The following BRCA1 variants were observed in gnomAD, a reference collection of about 807,000 sequenced individuals.
BRCA1 encodes the protein breast cancer type 1 susceptibility protein.
A neutral mutation model predicts 173.7 loss-of-function variants in BRCA1; 140 were observed. That is an observed-to-expected ratio of 0.81 (90% CI 0.70 to 0.93). The LOEUF is 0.93. Ranked by LOEUF, BRCA1 falls within the 40% of genes least tolerant of loss-of-function variation. The pLI is 0.00. For synonymous variants in BRCA1, 662 were observed against 756.0 expected, an observed-to-expected ratio of 0.88 and a Z score of 2.04; for missense variants, 1,983 against 2,172.5, an observed-to-expected ratio of 0.91 and a Z score of 1.73.
chr17:43,085,717 G>A (rs2053203461), intron 11 of BRCA1, among the ~76,000 whole-genome samples: 1 of 152,054 alleles, frequency 6.6e-6, no homozygotes, highest in Admixed American at 6.6e-5. Flanking sequence ...GAGAAGTAAG[G>A]GCAAGTGGGC....
At chr17:43,123,158 C>T (rs911573097) in intron 2 of BRCA1, among the ~76,000 whole-genome samples, 5 of 151,616 alleles carry the variant, frequency 3.3e-5, no homozygotes, top group South Asian at 2.1e-4. Context: ...TTGAGCCTGA[C>T]GAGGTTGAGG....
At position 43,106,477 on chromosome 17, in the gene BRCA1, C is replaced by T. The variant is rs55851803; in HGVS notation, c.191G>A (p.Cys64Tyr). 2 of 1,601,934 alleles carry T rather than the reference C, an allele frequency of 1.2e-6. No individual in the cohort carries two copies. The highest frequency in any genetic ancestry group is 8.5e-7 in the Non-Finnish European group (1 of 1,170,064). The change falls in exon 4 of 23, where the codon TGT becomes TAT. Residue 64 changes from cysteine (C) to tyrosine (Y), a missense_variant. Transcript: ENST00000357654. The part of the protein sequence containing the change: ...QKKGPSQCPL[C>Y]KNDITKRSLQ... ...ATACCTTTTGGTTATATCATTCTTACATAAAGGACACTGTGAAGGCCCTTT... is the reference window on the plus strand; with the variant it reads ...ATACCTTTTGGTTATATCATTCTTATATAAAGGACACTGTGAAGGCCCTTT...
At chr17:43,071,351 G>T in intron 14 of BRCA1, 113 bp from the exon 15 acceptor site, 2 of 1,192,108 alleles carry the variant, frequency 1.7e-6, no homozygotes, top group Non-Finnish European at 2.4e-6. Flanking sequence ...AGAAAAATGG[G>T]TACATGAATA....
In BRCA1 at chr17:43,092,615, TC is replaced by T. The variant is rs80357573; in HGVS notation, c.2915del (p.Gly972AspfsTer28). 6.2e-7 allele frequency: 1 copy of T among 1,614,044 alleles called. No individual in the cohort carries two copies. The highest frequency in any genetic ancestry group is 1.3e-5 in the African/African-American group (1 of 75,020). On this transcript the variant is annotated frameshift_variant, in exon 10 of 23. Coordinates refer to ENST00000357654, the MANE Select transcript of BRCA1 (RefSeq NM_007294.4). LOFTEE classifies it high-confidence loss of function. ...ETGLITPNKH[G>X]LLQNPYRIPP... ...GTATACGATATGGGTTTTGTAAAAG[TC>T]CATGTTTATTTGGAGTAATGAGTCC...
intron 18 of BRCA1, among the ~76,000 whole-genome samples, chr17:43,058,377 AAAACACACAC>A (rs1209271092): frequency 6.6e-6 from 1 of 150,708 alleles, no homozygotes; most frequent in Non-Finnish European, 1.5e-5. Flanking sequence ...CTGCTAAAAA[AAAACACACAC>A]ACACACACAC....
rs2154333487 is a variant in BRCA1, at chr17:43,092,269, C to A, written c.3262G>T (p.Val1088Phe). 1.2e-6 allele frequency: 2 copies of A among 1,613,788 alleles called. No homozygotes were observed. Among genetic ancestry groups the A allele is most frequent in the Non-Finnish European group, 1.7e-6 (2 of 1,179,986 alleles). The change falls in exon 10 of 23, where the codon GTT becomes TTT. Residue 1088 changes from valine to phenylalanine, a missense_variant. Val to Phe is a conservative substitution (Grantham distance 50). Transcript: ENST00000357654. ...PKLNAMLRLG[V>F]LQPEVYKQSL... ...TGTTTATAGACCTCAGGTTGCAAAACCCCTAATCTAAGCATAGCATTCAAT... is the reference window on the plus strand; with the variant it reads ...TGTTTATAGACCTCAGGTTGCAAAAACCCTAATCTAAGCATAGCATTCAAT...
chr17:43,049,757 AAG>A (rs1372794819), intron 20 of BRCA1, among the ~76,000 whole-genome samples: 1 of 152,190 alleles, frequency 6.6e-6, no homozygotes, highest in African/African-American at 2.4e-5. Context: ...TAAAAATCAG[AAG>A]AGACTGTGGA....
intron 14 of BRCA1, among the ~76,000 whole-genome samples, chr17:43,072,651 G>A (rs978926926): frequency 1.2e-4 from 18 of 148,820 alleles, no homozygotes; most frequent in African/African-American, 4.3e-4. Context: ...TGAAACCTCT[G>A]CCTCCCAGGT....
chr17:43,122,860 C>T (rs1318580044), intron 2 of BRCA1, among the ~76,000 whole-genome samples: 1 of 150,244 alleles, frequency 6.7e-6, no homozygotes, highest in Non-Finnish European at 1.5e-5. Flanking sequence ...TCCTGGCTAA[C>T]ACGGTGAAAT....
At chr17:43,155,201 ACT>A (rs1274434338) in intron 1 of BRCA1, among the ~76,000 whole-genome samples, 1 of 151,918 alleles carries the variant, frequency 6.6e-6, no homozygotes, top group Admixed American at 6.6e-5. Flanking sequence ...ACAGAGTCTC[ACT>A]CTGTCACCCA....
At position 43,138,307 on chromosome 17, in the gene BRCA1, CCT is replaced by C. The variant is rs2056044496; in HGVS notation, c.-19-14194_-19-14193del. On this transcript the variant is annotated intron_variant, in intron 1 of 7. Transcript: ENST00000634433. ...CTATGTTTTCTCCGATACTATATGG[CCT>C]GCGGACCGCTCAGCTTTCATTCCAG... 3 of 357,560 alleles carry C rather than the reference CCT, an allele frequency of 8.4e-6. No individual in the cohort carries two copies. The Admixed American group carries it at 1.3e-4, about 15-fold the overall frequency. The allele number at this position is 357,560 out of a possible 1,614,324, so 22.1% of individuals were successfully genotyped here.
intron 16 of BRCA1, among the ~76,000 whole-genome samples, chr17:43,064,334 T>C (rs1567769834): frequency 6.6e-6 from 1 of 152,220 alleles, no homozygotes; most frequent in South Asian, 2.1e-4. Flanking sequence ...GATGGCAATA[T>C]GTGAAAGAAG....
chr17:43,156,961 C>T (rs1477736837), intron 1 of BRCA1, among the ~76,000 whole-genome samples: 1 of 152,136 alleles, frequency 6.6e-6, no homozygotes, highest in Non-Finnish European at 1.5e-5. Flanking sequence ...ATATTTTAAA[C>T]ACTTTTCAAA....
chr17:43,045,495 G>T lies in BRCA1; in HGVS notation c.*183C>A. ...GGCAGATTTCCAAGGGAGACTTCAA[G>T]CAGAAAATCTTTAAGGGACCCTTGC... On this transcript the variant is annotated 3_prime_UTR_variant, in exon 23 of 23. Transcript: ENST00000357654. The T allele has an allele frequency of 1.0e-6, 1 of 953,868 alleles. No individual in the cohort carries two copies. 59.1% of individuals were successfully genotyped at this position (953,868 alleles called of 1,614,324 possible).
chr17:43,060,743 G>A (rs2051714734), intron 18 of BRCA1, among the ~76,000 whole-genome samples: 1 of 152,012 alleles, frequency 6.6e-6, no homozygotes, highest in African/African-American at 2.4e-5. Context: ...CTGACCTCAA[G>A]TGATTTGCCT....
intron 12 of BRCA1, among the ~76,000 whole-genome samples, chr17:43,077,829 A>C (rs544192586): frequency 1.3e-5 from 2 of 151,400 alleles, no homozygotes; most frequent in South Asian, 4.2e-4. Context: ...TCTGCCTCCC[A>C]GGTTCAAGCT....
At chr17:43,106,680 A>G in intron 3 of BRCA1, 147 bp from the exon 4 acceptor site, 2 of 644,076 alleles carry the variant, frequency 3.1e-6, no homozygotes, top group Non-Finnish European at 5.4e-6. Flanking sequence ...TACAAGCAAT[A>G]GTTTCCTAAT....
intron 11 of BRCA1, among the ~76,000 whole-genome samples, chr17:43,085,140 A>C (rs1224635312): frequency 6.6e-6 from 1 of 152,108 alleles, no homozygotes; most frequent in Non-Finnish European, 1.5e-5. Context: ...TGCTGCTCTG[A>C]TCTCTACTTT....
intron 2 of BRCA1, chr17:43,119,005 A>T (rs2055423912): frequency 4.7e-6 from 1 of 213,116 alleles, no homozygotes; most frequent in Non-Finnish European, 9.5e-6. Flanking sequence ...ACCTCAAGTG[A>T]TCCATCTGCC....
Sources: gnomAD v4.1 joint callset for allele counts (sites outside exome capture counted in the v4.1 genomes callset) on GRCh38, gnomAD v4.1.1 for gene constraint, MANE v1.5 for transcripts, NCBI Gene and HGNC (gene_info 2026-07-23, HGNC 2026-07-21) for gene names.